The following PTK7 variants were observed in gnomAD, a reference collection of about 807,000 sequenced individuals.
The protein encoded by PTK7 is inactive tyrosine-protein kinase 7.
Under a neutral mutation model 116.6 loss-of-function variants are expected in PTK7, and 39 were observed. That is an observed-to-expected ratio of 0.33 (90% CI 0.26 to 0.44). The LOEUF (loss-of-function observed/expected upper bound fraction) is 0.44, where lower values mean the gene tolerates loss of function less well. Ranked by LOEUF, PTK7 falls within the 20% of genes least tolerant of loss-of-function variation. PTK7 has a pLI of 1.00. For synonymous variants in PTK7, 546 were observed against 563.6 expected (o/e 0.97, Z 0.44); for missense variants, 1,169 against 1,425.6 (o/e 0.82, Z 2.90).
chr6:43,100,003 AC>A (rs965925888), intron 1 of PTK7, among the ~76,000 whole-genome samples: 3 of 152,098 alleles, frequency 2.0e-5, no homozygotes, highest in Non-Finnish European at 4.4e-5. Context: ...ATGTGCCACC[AC>A]GCTTGGCTAG....
intron 1 of PTK7, among the ~76,000 whole-genome samples, chr6:43,122,157 T>A (rs1015104457): frequency 6.6e-6 from 1 of 151,992 alleles, no homozygotes; most frequent in African/African-American, 2.4e-5. Flanking sequence ...AGAAAAAAAA[T>A]GTCTCTGGGC....
At chr6:43,149,618 T>G (rs1263406540) in intron 17 of PTK7, among the ~76,000 whole-genome samples, 1 of 152,178 alleles carries the variant, frequency 6.6e-6, no homozygotes, top group Non-Finnish European at 1.5e-5. Flanking sequence ...CTTGGAAGGC[T>G]GAGGCCAGAG....
chr6:43,096,357 G>C (rs1767250934), intron 1 of PTK7, among the ~76,000 whole-genome samples: 1 of 151,868 alleles, frequency 6.6e-6, no homozygotes, highest in African/African-American at 2.4e-5. Flanking sequence ...CTCCGTTTTT[G>C]TCACTTCCTT....
intron 1 of PTK7, among the ~76,000 whole-genome samples, chr6:43,083,100 C>T (rs1028996950): frequency 6.6e-6 from 1 of 152,216 alleles, no homozygotes; most frequent in African/African-American, 2.4e-5. Flanking sequence ...GAGCCAAGAG[C>T]AGTTTGGGGC....
At position 43,137,372 on chromosome 6, in the gene PTK7, A is replaced by C. The variant is rs11758173; in HGVS notation, c.1229-1477A>C. Among the ~76,000 whole-genome samples, 796 of 152,258 alleles carry C rather than the reference A, an allele frequency of 5.2e-3. 4 individuals are homozygous for C. The highest frequency in any genetic ancestry group is 7.6e-3 in the Non-Finnish European group (515 of 68,020). ...CCAGTAGATAGGGTTTGGTAGAACGAGTGTGATGGGGGTGGGGTATAGAGA... is the reference window on the plus strand; with the variant it reads ...CCAGTAGATAGGGTTTGGTAGAACGCGTGTGATGGGGGTGGGGTATAGAGA... On this transcript the variant is annotated intron_variant, in intron 7 of 19. Transcript: ENST00000230419.
chr6:43,126,536 C>G (rs896647011), intron 1 of PTK7, among the ~76,000 whole-genome samples: 1 of 152,204 alleles, frequency 6.6e-6, no homozygotes, highest in Non-Finnish European at 1.5e-5. Flanking sequence ...AGAGGTGTGT[C>G]CACACACTAC....
At chr6:43,080,538 G>A (rs1766319742) in intron 1 of PTK7, among the ~76,000 whole-genome samples, 1 of 152,174 alleles carries the variant, frequency 6.6e-6, no homozygotes. Flanking sequence ...GAGTATATCT[G>A]GCAAAGCAGC....
At chr6:43,096,927 G>A (rs1767293946) in intron 1 of PTK7, among the ~76,000 whole-genome samples, 2 of 69,698 alleles carry the variant, frequency 2.9e-5, no homozygotes, top group South Asian at 5.2e-4. Flanking sequence ...CCTGGAGGCC[G>A]CTGCCTTAGA....
intron 1 of PTK7, among the ~76,000 whole-genome samples, chr6:43,110,733 G>A (rs1193594314): frequency 6.6e-6 from 1 of 152,106 alleles, no homozygotes; most frequent in Non-Finnish European, 1.5e-5. Flanking sequence ...TTTTATGAAT[G>A]ATTTGTTACT....
intron 7 of PTK7, among the ~76,000 whole-genome samples, chr6:43,134,604 A>T (rs1582169246): frequency 6.6e-6 from 1 of 151,444 alleles, no homozygotes; most frequent in Non-Finnish European, 1.5e-5. Flanking sequence ...ACATGGTGAA[A>T]CCCCGTCTCT....
intron 14 of PTK7, chr6:43,144,200 G>T: frequency 1.9e-6 from 1 of 522,104 alleles, no homozygotes; most frequent in East Asian, 3.2e-5. Context: ...CAGATTAGAT[G>T]TCTGCAGTTG....
chr6:43,136,410 C>T (rs1015066945), intron 7 of PTK7, among the ~76,000 whole-genome samples: 5 of 151,918 alleles, frequency 3.3e-5, no homozygotes, highest in Non-Finnish European at 7.3e-5. Flanking sequence ...ATTCTGTGGA[C>T]AGGTTCAGGT....
At chr6:43,144,306 C>A in intron 14 of PTK7, 145 bp from the exon 15 acceptor site, 15 of 891,556 alleles carry the variant, frequency 1.7e-5, no homozygotes, top group East Asian at 2.6e-5. Flanking sequence ...CCCATTATTT[C>A]ATCATTTGGG....
At chr6:43,098,395 G>T (rs951387871) in intron 1 of PTK7, among the ~76,000 whole-genome samples, 3 of 149,648 alleles carry the variant, frequency 2.0e-5, no homozygotes, top group African/African-American at 4.9e-5. Flanking sequence ...TCGCTCTGTC[G>T]CCCAGGCTGG....
intron 1 of PTK7, among the ~76,000 whole-genome samples, chr6:43,105,509 G>A (rs927850851): frequency 1.4e-5 from 2 of 147,768 alleles, no homozygotes; most frequent in Non-Finnish European, 3.0e-5. Flanking sequence ...GGTGAATTGT[G>A]TCCTCCCAAA....
chr6:43,126,669 C>T (rs1470778883), intron 1 of PTK7, among the ~76,000 whole-genome samples: 2 of 152,202 alleles, frequency 1.3e-5, no homozygotes, highest in Non-Finnish European at 2.9e-5. Flanking sequence ...CCTGGCTCTG[C>T]CACATATGAG....
At chr6:43,090,724 C>G (rs1013890302) in intron 1 of PTK7, among the ~76,000 whole-genome samples, 2 of 152,158 alleles carry the variant, frequency 1.3e-5, no homozygotes, top group Non-Finnish European at 2.9e-5. Context: ...TTGTCCCTCC[C>G]GCTTGGTTGC....
chr6:43,159,559 GT>G (rs1771712695), intron 18 of PTK7: 1 of 581,708 alleles, frequency 1.7e-6, no homozygotes. Context: ...TTTAGGCAAA[GT>G]TTGATTCTTA....
At position 43,076,854 on chromosome 6, in the gene PTK7, C is replaced by T. The variant is rs1230533719; in HGVS notation, c.79+287C>T. ...TCTGAGCCGAGAGTTTGCTCGAGAA[C>T]TGCCGAGAGTTGCTGGCTCTCGGGC... is the stretch of plus-strand genomic sequence containing the variant. On this transcript the variant is annotated intron_variant, in intron 1 of 19. Coordinates refer to ENST00000230419, the MANE Select transcript of PTK7 (RefSeq NM_002821.5). The surrounding 1 kb of genome is among the most constrained non-coding windows in gnomAD (Gnocchi z 5.7). 2.1e-6 allele frequency: 3 copies of T among 1,458,492 alleles called. No homozygotes were observed. Among genetic ancestry groups the T allele is most frequent in the South Asian group, 1.3e-5 (1 of 76,938 alleles). The allele number at this position is 1,458,492 out of a possible 1,614,324, so 90.3% of individuals were successfully genotyped here.
Sources: gnomAD v4.1 joint callset for allele counts (sites outside exome capture counted in the v4.1 genomes callset) on GRCh38, gnomAD v4.1.1 for gene constraint, Gnocchi (gnomAD v3.1) non-coding constraint, MANE v1.5 for transcripts, NCBI Gene and HGNC (gene_info 2026-07-23, HGNC 2026-07-21) for gene names.